HS6ST1: variants seen among roughly 807,000 people sequenced by gnomAD.
The protein encoded by HS6ST1 is heparan-sulfate 6-O-sulfotransferase 1.
A neutral mutation model predicts 25.2 loss-of-function variants in HS6ST1; 3 were observed. The ratio of observed to expected loss-of-function variants is 0.12; its 90% CI spans 0.05 to 0.31. The LOEUF is 0.31. Ranked by LOEUF, HS6ST1 falls within the 10% of genes least tolerant of loss-of-function variation. The pLI is 1.00. For missense variants in HS6ST1, 310 were observed against 609.6 expected (o/e 0.51, Z 5.18); for synonymous variants, 204 against 275.1 (o/e 0.74, Z 2.56).
intron 1 of HS6ST1, among the ~76,000 whole-genome samples, chr2:128,290,817 C>CAAAAAAAAAAAAAAAA (rs57754041): frequency 3.3e-5 from 2 of 60,542 alleles, no homozygotes; most frequent in African/African-American, 7.1e-5. Context: ...ACTAAAAATA[C>CAAAAAAAAAAAAAAAA]AAAAAAAAAA....
intron 1 of HS6ST1, among the ~76,000 whole-genome samples, chr2:128,277,702 C>T (rs529094416): frequency 7.9e-5 from 12 of 152,354 alleles, no homozygotes; most frequent in African/African-American, 2.9e-4. Flanking sequence ...GGGTCCGGTT[C>T]ACTCTATAGG....
At chr2:128,308,188 G>A (rs1479498343) in intron 1 of HS6ST1, among the ~76,000 whole-genome samples, 5 of 152,208 alleles carry the variant, frequency 3.3e-5, no homozygotes, top group Non-Finnish European at 7.3e-5. Flanking sequence ...GGTGCTGAGC[G>A]AGGCTGCAGG....
intron 1 of HS6ST1, among the ~76,000 whole-genome samples, chr2:128,308,315 G>A (rs1236359753): frequency 1.3e-5 from 2 of 152,210 alleles, no homozygotes; most frequent in East Asian, 3.8e-4. Flanking sequence ...TACACCCCTG[G>A]AGATACCATG....
chr2:128,298,705 A>C (rs1019950074), intron 1 of HS6ST1, among the ~76,000 whole-genome samples: 5 of 152,218 alleles, frequency 3.3e-5, no homozygotes, highest in Non-Finnish European at 5.9e-5. Context: ...CAGTTTGGGA[A>C]GATGAAAAAG....
chr2:128,306,854 G>A (rs1694220078), intron 1 of HS6ST1, among the ~76,000 whole-genome samples: 1 of 152,210 alleles, frequency 6.6e-6, no homozygotes, highest in Admixed American at 6.5e-5. Flanking sequence ...AAGGGGCCTG[G>A]GGAGTGAGGG....
chr2:128,270,980 C>G (rs998347127), intron 1 of HS6ST1, among the ~76,000 whole-genome samples: 10 of 152,366 alleles, frequency 6.6e-5, no homozygotes, highest in Middle Eastern at 3.4e-3. Flanking sequence ...CCCCAGCCCA[C>G]AGGCGGGTCC....
At chr2:128,273,668 T>C (rs6707391) in intron 1 of HS6ST1, among the ~76,000 whole-genome samples, 20,093 of 152,252 alleles carry the variant, frequency 0.13, 1,414 homozygotes, top group Non-Finnish European at 0.15. Context: ...CATCCTCTGG[T>C]CTGGTGCCCC....
In HS6ST1 at chr2:128,268,441, G is replaced by A. The variant is rs1693560876; in HGVS notation, c.957C>T (p.Tyr319=). 1 of 1,613,472 alleles carries A rather than the reference G, an allele frequency of 6.2e-7. No homozygotes were observed. Among genetic ancestry groups the A allele is most frequent in the South Asian group, 1.1e-5 (1 of 91,082 alleles). The part of the protein sequence containing the change: ...NLKFIRPFMQ[Y]NSTRAGGVEV... ...CCACGCCGCCCGCCCGCGTGCTATT[G>A]TACTGCATGAAGGGCCGGATGAACT... Residue 319 remains tyrosine, a synonymous_variant, in exon 2 of 2, where the codon TAC becomes TAT. Transcript: ENST00000259241.
intron 1 of HS6ST1, among the ~76,000 whole-genome samples, chr2:128,296,470 T>A (rs903707761): frequency 2.0e-5 from 3 of 152,232 alleles, no homozygotes; most frequent in African/African-American, 7.2e-5. Flanking sequence ...TGCTAAAGAA[T>A]CCACTTCCAC....
At chr2:128,302,653 C>T (rs933453489) in intron 1 of HS6ST1, among the ~76,000 whole-genome samples, 1 of 152,206 alleles carries the variant, frequency 6.6e-6, no homozygotes, top group African/African-American at 2.4e-5. Flanking sequence ...CCCTCACTCC[C>T]TCAAGCTGCA....
Position 128,318,010 on chromosome 2 carries a change from C to A in HS6ST1, c.527+27G>T, listed in dbSNP as rs941897443. ...GCCCGGCCTCGGGGGCGCAGCTGCG[C>A]GAGGATCCCGCCGCCCGGGCGCTCA... On this transcript the variant is annotated intron_variant, in intron 1 of 1. Coordinates refer to ENST00000259241, the MANE Select transcript of HS6ST1 (RefSeq NM_004807.3). This position sits in a 1 kb window ranked among gnomAD's most constrained non-coding sequence, Gnocchi z 5.7. 5.6e-6 allele frequency: 8 copies of A among 1,437,894 alleles called. No individual in the cohort carries two copies. The highest frequency in any genetic ancestry group is 5.6e-5 in the East Asian group (2 of 35,862). 89.1% of individuals were successfully genotyped at this position (1,437,894 alleles called of 1,614,324 possible). A position where few individuals can be genotyped will look rare whatever the true frequency, so the allele number is the denominator to read the frequency against.
chr2:128,313,865 C>T (rs372521167), intron 1 of HS6ST1, among the ~76,000 whole-genome samples: 5 of 151,780 alleles, frequency 3.3e-5, no homozygotes, highest in Non-Finnish European at 5.9e-5. Context: ...CAGAAATGAT[C>T]CCCCAAGCTA....
intron 1 of HS6ST1, among the ~76,000 whole-genome samples, chr2:128,274,963 C>CAAA (rs56898137): frequency 2.1e-4 from 11 of 51,230 alleles, no homozygotes; most frequent in African/African-American, 6.1e-4. Context: ...GACTCCGTCT[C>CAAA]AAAAAAAAAA....
chr2:128,317,821 T>C (rs1008596354), intron 1 of HS6ST1, among the ~76,000 whole-genome samples: 3 of 150,456 alleles, frequency 2.0e-5, no homozygotes, highest in African/African-American at 7.4e-5. Flanking sequence ...AGGAAGAGAG[T>C]GAGAGCGAGG....
intron 1 of HS6ST1, among the ~76,000 whole-genome samples, chr2:128,307,827 C>T (rs775290508): frequency 9.9e-5 from 15 of 152,146 alleles, no homozygotes; most frequent in Non-Finnish European, 1.9e-4. Context: ...CTGACACACT[C>T]CTAGGGACAC....
intron 1 of HS6ST1, among the ~76,000 whole-genome samples, chr2:128,291,478 C>A (rs1265176384): frequency 6.6e-6 from 1 of 152,248 alleles, no homozygotes; most frequent in African/African-American, 2.4e-5. Flanking sequence ...GGGGCTAGAC[C>A]TCTGGCAGGG....
chr2:128,274,368 A>G (rs575692984), intron 1 of HS6ST1, among the ~76,000 whole-genome samples: 16 of 152,272 alleles, frequency 1.1e-4, no homozygotes, highest in Admixed American at 6.5e-4. Context: ...TATGTTAGAA[A>G]CCATTGGAGC....
At chr2:128,314,185 G>C (rs557940149) in intron 1 of HS6ST1, among the ~76,000 whole-genome samples, 1 of 152,136 alleles carries the variant, frequency 6.6e-6, no homozygotes, top group African/African-American at 2.4e-5. Context: ...ATGAAGGTAA[G>C]GTGGAAACTG....
chr2:128,280,512 C>T (rs565143458), intron 1 of HS6ST1, among the ~76,000 whole-genome samples: 176 of 152,360 alleles, frequency 1.2e-3, no homozygotes, highest in South Asian at 2.3e-3. Flanking sequence ...TGACCCAGTG[C>T]CGCAGCACCA....
Sources: allele counts gnomAD v4.1 joint callset (sites outside exome capture counted in the v4.1 genomes callset), GRCh38; gene constraint gnomAD v4.1.1; non-coding constraint Gnocchi (gnomAD v3.1); transcripts MANE v1.5; gene names NCBI Gene and HGNC (gene_info 2026-07-23, HGNC 2026-07-21).